SYT2: variants seen among roughly 807,000 people sequenced by gnomAD.
SYT2 encodes synaptotagmin-2.
A neutral mutation model predicts 39.9 loss-of-function variants in SYT2; 15 were observed. The ratio of observed to expected loss-of-function variants is 0.38; its 90% CI spans 0.25 to 0.58. The LOEUF is 0.58. Ranked by LOEUF, SYT2 falls within the 20% of genes least tolerant of loss-of-function variation. SYT2 has a pLI of 0.70. For missense variants in SYT2, 389 were observed against 530.3 expected (o/e 0.73, Z 2.62); for synonymous variants, 181 against 204.5 (o/e 0.89, Z 0.98).
At chr1:202,674,012 GTTAATGTGTATTTTTT>G (rs1187757446) in intron 1 of SYT2, among the ~76,000 whole-genome samples, 1 of 152,176 alleles carries the variant, frequency 6.6e-6, no homozygotes, top group Non-Finnish European at 1.5e-5. Context: ...TATGTGGCAG[GTTAATGTGTATTTTTT>G]TTAATGTGTG....
chr1:202,706,910 T>A (rs1382058081), intron 1 of SYT2, among the ~76,000 whole-genome samples: 1 of 152,234 alleles, frequency 6.6e-6, no homozygotes, highest in Non-Finnish European at 1.5e-5. Flanking sequence ...TTAAGCATTA[T>A]TACCTCTGTT....
At chr1:202,646,366 A>G (rs1377560589) in intron 1 of SYT2, among the ~76,000 whole-genome samples, 2 of 152,142 alleles carry the variant, frequency 1.3e-5, no homozygotes, top group Non-Finnish European at 2.9e-5. Context: ...TGCCAGTCCC[A>G]GTTCCCTGAC....
intron 1 of SYT2, among the ~76,000 whole-genome samples, chr1:202,638,655 C>T (rs544645033): frequency 2.6e-5 from 4 of 152,320 alleles, no homozygotes; most frequent in Admixed American, 1.3e-4. Flanking sequence ...TTATTTAATG[C>T]GGAAAATCCA....
At chr1:202,689,854 C>T (rs1216456758) in intron 1 of SYT2, among the ~76,000 whole-genome samples, 1 of 151,808 alleles carries the variant, frequency 6.6e-6, no homozygotes, top group East Asian at 1.9e-4. Flanking sequence ...AATTAAGGGC[C>T]TTTCCCCCTC....
intron 1 of SYT2, among the ~76,000 whole-genome samples, chr1:202,683,433 G>C (rs1653575955): frequency 1.3e-5 from 2 of 152,178 alleles, no homozygotes; most frequent in African/African-American, 4.8e-5. Context: ...AGGGGAAGAA[G>C]CCAGTCACAA....
chr1:202,630,700 C>T (rs985748430), intron 1 of SYT2, among the ~76,000 whole-genome samples: 1 of 152,210 alleles, frequency 6.6e-6, no homozygotes, highest in Non-Finnish European at 1.5e-5. Context: ...GGGACCCTCT[C>T]CTCAGAGCCT....
At chr1:202,620,098 G>A (rs1390721345) in intron 1 of SYT2, among the ~76,000 whole-genome samples, 1 of 152,244 alleles carries the variant, frequency 6.6e-6, no homozygotes, top group Non-Finnish European at 1.5e-5. Flanking sequence ...GGGAAATGAT[G>A]CTGGAGAAGC....
At chr1:202,598,373 C>A (rs1690374259) in intron 8 of SYT2, among the ~76,000 whole-genome samples, 1 of 152,174 alleles carries the variant, frequency 6.6e-6, no homozygotes, top group African/African-American at 2.4e-5. Context: ...ATCTAAAATT[C>A]TCTGTAATGA....
intron 1 of SYT2, among the ~76,000 whole-genome samples, chr1:202,647,060 G>T (rs1245601076): frequency 6.6e-6 from 1 of 152,210 alleles, no homozygotes; most frequent in Non-Finnish European, 1.5e-5. Context: ...TGTGGTACAG[G>T]CATTGGCAGA....
intron 1 of SYT2, chr1:202,636,379 A>G (rs1691740009): frequency 5.1e-6 from 5 of 985,390 alleles, no homozygotes; most frequent in Non-Finnish European, 6.0e-6. Flanking sequence ...TGTGCTCCAG[A>G]GCAGGGAGAG....
Position 202,678,117 on chromosome 1 carries a change from T to A in SYT2, c.-18+32141A>T, listed in dbSNP as rs555740430. On this transcript the variant is annotated intron_variant, in intron 1 of 8. Transcript: ENST00000367268. The stretch of plus-strand genomic sequence containing the variant: ...GGCGAAACCTTGTCTGGACTAAAAA[T>A]ACAATAATTAGCCAGGCGTGGTGGC... 8.6e-5 allele frequency among the ~76,000 whole-genome samples: 13 copies of A among 151,880 alleles called. No individual in the cohort carries two copies. The East Asian group carries it at 2.3e-3, about 27-fold the overall frequency.
chr1:202,705,774 G>A (rs1024183938), intron 1 of SYT2, among the ~76,000 whole-genome samples: 4 of 150,840 alleles, frequency 2.7e-5, no homozygotes, highest in African/African-American at 9.8e-5. Context: ...GAAGTGAAGT[G>A]GCATGACCAT....
At chr1:202,707,759 T>C (rs1163323260) in intron 1 of SYT2, among the ~76,000 whole-genome samples, 1 of 152,174 alleles carries the variant, frequency 6.6e-6, no homozygotes, top group East Asian at 1.9e-4. Context: ...CCCATTGAGA[T>C]ATGATAATGT....
intron 2 of SYT2, 112 bp from the exon 3 acceptor site, chr1:202,604,733 C>T (rs149181197): frequency 1.9e-6 from 2 of 1,034,854 alleles, no homozygotes; most frequent in East Asian, 2.6e-5. Flanking sequence ...ACAATGCCCA[C>T]ACCCCACATT....
At chr1:202,633,480 C>A (rs1691653216) in intron 1 of SYT2, among the ~76,000 whole-genome samples, 1 of 152,240 alleles carries the variant, frequency 6.6e-6, no homozygotes, top group South Asian at 2.1e-4. Flanking sequence ...GGTGGGTCCT[C>A]CCCTCTCCCC....
intron 1 of SYT2, among the ~76,000 whole-genome samples, chr1:202,631,469 C>A (rs901383998): frequency 2.0e-5 from 3 of 152,140 alleles, no homozygotes; most frequent in African/African-American, 4.8e-5. Flanking sequence ...CTAGCAGCTT[C>A]TTGGCTCTTC....
At chr1:202,686,392 C>T (rs1480002278) in intron 1 of SYT2, among the ~76,000 whole-genome samples, 1 of 152,226 alleles carries the variant, frequency 6.6e-6, no homozygotes, top group East Asian at 1.9e-4. Flanking sequence ...CCTCAGTCTG[C>T]CTTCATGTCA....
At chr1:202,622,180 A>C (rs192404704) in intron 1 of SYT2, among the ~76,000 whole-genome samples, 57 of 152,370 alleles carry the variant, frequency 3.7e-4, no homozygotes, top group African/African-American at 1.3e-3. Context: ...CACAGGCTAG[A>C]AAGATCAATA....
chr1:202,688,113 C>A (rs73087579), intron 1 of SYT2, among the ~76,000 whole-genome samples: 7 of 152,296 alleles, frequency 4.6e-5, no homozygotes, highest in African/African-American at 1.7e-4. Flanking sequence ...TGGTCACTGA[C>A]ACCCCCCCAT....
Sources: gnomAD v4.1 joint callset for allele counts (sites outside exome capture counted in the v4.1 genomes callset) on GRCh38, gnomAD v4.1.1 for gene constraint, MANE v1.5 for transcripts, NCBI Gene and HGNC (gene_info 2026-07-23, HGNC 2026-07-21) for gene names.